DGKB: variants seen among roughly 807,000 people sequenced by gnomAD.
DGKB encodes 90 kDa diacylglycerol kinase.
In DGKB, 67 loss-of-function variants were observed where a neutral mutation model predicts 114.3. The ratio of observed to expected loss-of-function variants is 0.59; its 90% CI spans 0.48 to 0.72. DGKB has a LOEUF of 0.72. DGKB is among the 30% of genes least tolerant of loss of function. DGKB has a pLI of 0.00. For missense variants in DGKB, 907 were observed against 975.2 expected (o/e 0.93, Z 0.93); for synonymous variants, 398 against 323.1 (o/e 1.23, Z -2.49).
chr7:14,452,086 G>T lies in DGKB; in HGVS notation c.1835+26075C>A, dbSNP rs192343962. ...TGGAAAGGTACACCTGTTTTTGACT[G>T]TTTAGAAAATATTAATTATCACCAT... On this transcript the variant is annotated intron_variant, in intron 21 of 25. Transcript: ENST00000402815. Among the ~76,000 whole-genome samples the T allele has an allele frequency of 4.9e-3, 747 of 152,122 alleles. 2 individuals are homozygous for T. Among genetic ancestry groups the T allele is most frequent in the African/African-American group, 0.017 (706 of 41,528 alleles).
At chr7:14,176,239 G>A (rs1781722685) in intron 25 of DGKB, 2 of 686,510 alleles carry the variant, frequency 2.9e-6, no homozygotes, top group Non-Finnish European at 3.6e-6. Context: ...AGTGCCAAAA[G>A]CAGTTCCTAG....
chr7:14,267,557 C>T lies in DGKB; in HGVS notation c.2122+70958G>A, dbSNP rs554053123. ...AGGCTGGAGTGCAGTGGTGCCATCTCGGCTCACTGCAAGCTCCACCTCCTG... is the reference window on the plus strand; with the variant it reads ...AGGCTGGAGTGCAGTGGTGCCATCTTGGCTCACTGCAAGCTCCACCTCCTG... On this transcript the variant is annotated intron_variant, in intron 23 of 25. Coordinates refer to ENST00000402815, the MANE Select transcript of DGKB (RefSeq NM_001350709.2). Among the ~76,000 whole-genome samples, 55 of 151,266 alleles carry T rather than the reference C, an allele frequency of 3.6e-4. No individual in the cohort carries two copies. The South Asian group carries it at 0.01, about 28-fold the overall frequency.
chr7:14,388,222 ATCT>A (rs1012793177), intron 21 of DGKB, among the ~76,000 whole-genome samples: 8 of 150,522 alleles, frequency 5.3e-5, no homozygotes, highest in African/African-American at 1.7e-4. Flanking sequence ...AAAAAAAAAA[ATCT>A]TCTGCAGATT....
chr7:14,292,650 C>A (rs1444633525), intron 23 of DGKB, among the ~76,000 whole-genome samples: 3 of 152,124 alleles, frequency 2.0e-5, no homozygotes, highest in African/African-American at 4.8e-5. Context: ...CATTCTAATT[C>A]AGATCCTGGG....
intron 23 of DGKB, among the ~76,000 whole-genome samples, chr7:14,234,629 T>C (rs1338690614): frequency 1.3e-5 from 2 of 152,054 alleles, no homozygotes; most frequent in Non-Finnish European, 2.9e-5. Context: ...TAACAAAAAA[T>C]CATTCCAAAA....
chr7:14,509,698 G>A (rs1393133207), intron 20 of DGKB, among the ~76,000 whole-genome samples: 6 of 152,162 alleles, frequency 3.9e-5, no homozygotes, highest in Non-Finnish European at 7.3e-5. Context: ...GCTCTGGGCC[G>A]TGAGCAAGCC....
chr7:14,957,459 T>C (rs944708786), intron 1 of DGKB, among the ~76,000 whole-genome samples: 2 of 151,918 alleles, frequency 1.3e-5, no homozygotes, highest in East Asian at 1.9e-4. Flanking sequence ...AGCATGATAA[T>C]ATAAGAAGCT....
chr7:14,224,313 C>T lies in DGKB; in HGVS notation c.2123-46162G>A, dbSNP rs560918874. On this transcript the variant is annotated intron_variant, in intron 23 of 25. Coordinates refer to ENST00000402815, the MANE Select transcript of DGKB (RefSeq NM_001350709.2). ...TTTTCACTTCAGTTATTTTTCAACC[C>T]TTGAATTTAAATGTTTCCTTTGAAA... Among the ~76,000 whole-genome samples the T allele has an allele frequency of 3.3e-5, 5 of 151,948 alleles. No individual in the cohort carries two copies. In the East Asian group the frequency reaches 5.8e-4, roughly 18 times the overall value.
chr7:14,160,086 AATG>A (rs1287003798), intron 25 of DGKB, among the ~76,000 whole-genome samples: 1 of 152,200 alleles, frequency 6.6e-6, no homozygotes, highest in Non-Finnish European at 1.5e-5. Flanking sequence ...TTGTCATGAG[AATG>A]ATATGATATA....
chr7:14,799,738 C>T (rs1841894090), intron 2 of DGKB, among the ~76,000 whole-genome samples: 1 of 151,988 alleles, frequency 6.6e-6, no homozygotes, highest in South Asian at 2.1e-4. Flanking sequence ...TAAATGGGGC[C>T]CAGAATAACA....
intron 21 of DGKB, among the ~76,000 whole-genome samples, chr7:14,349,753 T>C (rs988011202): frequency 3.3e-5 from 5 of 152,130 alleles, no homozygotes; most frequent in African/African-American, 1.2e-4. Context: ...TTTTAGGTTG[T>C]AGAAATGCAA....
intron 1 of DGKB, among the ~76,000 whole-genome samples, chr7:14,924,082 C>T (rs2128248264): frequency 6.6e-6 from 1 of 150,946 alleles, no homozygotes; most frequent in South Asian, 2.1e-4. Flanking sequence ...TTACTAACTA[C>T]CTGTAACTGA....
intron 1 of DGKB, among the ~76,000 whole-genome samples, chr7:14,973,283 C>T: frequency 6.6e-6 from 1 of 151,936 alleles, no homozygotes; most frequent in East Asian, 1.9e-4. Context: ...ATATTCAAAA[C>T]ATTTTTAATT....
At chr7:14,226,624 A>G (rs890420654) in intron 23 of DGKB, among the ~76,000 whole-genome samples, 1 of 152,032 alleles carries the variant, frequency 6.6e-6, no homozygotes, top group African/African-American at 2.4e-5. Context: ...AATGATAAAG[A>G]TTTTCATAAT....
intron 20 of DGKB, among the ~76,000 whole-genome samples, chr7:14,503,269 G>A (rs1162067160): frequency 1.3e-5 from 2 of 151,974 alleles, no homozygotes; most frequent in Non-Finnish European, 2.9e-5. Flanking sequence ...TTGGTAAGAC[G>A]TTATTCTTAA....
intron 25 of DGKB, among the ~76,000 whole-genome samples, chr7:14,171,692 T>A (rs1214474547): frequency 6.6e-6 from 1 of 152,214 alleles, no homozygotes. Flanking sequence ...TTACATGTAT[T>A]TATATATAAA....
At chr7:14,223,170 C>G (rs1214669652) in intron 23 of DGKB, among the ~76,000 whole-genome samples, 1 of 151,634 alleles carries the variant, frequency 6.6e-6, no homozygotes, top group Non-Finnish European at 1.5e-5. Context: ...TGTCTGCCAT[C>G]TTAATTTTTG....
chr7:14,804,618 A>G (rs1181890361), intron 2 of DGKB, among the ~76,000 whole-genome samples: 1 of 151,868 alleles, frequency 6.6e-6, no homozygotes, highest in Non-Finnish European at 1.5e-5. Context: ...CTCAACCTCC[A>G]TTCTCTTTAC....
At chr7:14,313,270 C>T (rs1323243480) in intron 23 of DGKB, among the ~76,000 whole-genome samples, 7 of 152,086 alleles carry the variant, frequency 4.6e-5, no homozygotes, top group African/African-American at 1.7e-4. Flanking sequence ...CGGGGAGGAG[C>T]CAAGATGGCC....
Sources: gnomAD v4.1 joint callset for allele counts (sites outside exome capture counted in the v4.1 genomes callset) on GRCh38, gnomAD v4.1.1 for gene constraint, MANE v1.5 for transcripts, NCBI Gene and HGNC (gene_info 2026-07-23, HGNC 2026-07-21) for gene names.